The following PSMA1 variants were observed in gnomAD, a reference collection of about 807,000 sequenced individuals.
PSMA1 encodes proteasome subunit alpha type-1.
Under a neutral mutation model 38.4 loss-of-function variants are expected in PSMA1, and 3 were observed. The ratio of observed to expected loss-of-function variants is 0.08; its 90% CI spans 0.04 to 0.20. PSMA1 has a LOEUF of 0.20. Among genes scored for constraint, PSMA1 ranks in the 10% least tolerant of loss-of-function variants. The pLI is 1.00. For synonymous variants in PSMA1, 101 were observed against 107.1 expected (o/e 0.94, Z 0.35); for missense variants, 227 against 325.3 (o/e 0.70, Z 2.32).
chr11:14,589,589 G>A (rs929200662), intron 2 of PSMA1, among the ~76,000 whole-genome samples: 10 of 152,056 alleles, frequency 6.6e-5, no homozygotes, highest in African/African-American at 1.7e-4. Context: ...AAGAGCATAC[G>A]TGCTTCAGAA....
At chr11:14,585,219 C>G (rs1852331677) in intron 2 of PSMA1, among the ~76,000 whole-genome samples, 1 of 152,142 alleles carries the variant, frequency 6.6e-6, no homozygotes. Flanking sequence ...TCTGCTGACC[C>G]AGGAGTCCAA....
chr11:14,547,656 T>C (rs1467078972), intron 2 of PSMA1, among the ~76,000 whole-genome samples: 3 of 152,022 alleles, frequency 2.0e-5, no homozygotes, highest in Non-Finnish European at 4.4e-5. Context: ...TGAACAGGGA[T>C]CATCAGTCAG....
At chr11:14,623,075 A>G (rs1852868757) in intron 1 of PSMA1, among the ~76,000 whole-genome samples, 1 of 152,234 alleles carries the variant, frequency 6.6e-6, no homozygotes, top group Admixed American at 6.5e-5. Flanking sequence ...ACAAGGCTGT[A>G]TAGGTCCAGC....
intron 2 of PSMA1, among the ~76,000 whole-genome samples, chr11:14,555,771 T>A (rs1337479851): frequency 6.6e-6 from 1 of 152,244 alleles, no homozygotes; most frequent in African/African-American, 2.4e-5. Context: ...ATTTCAGTGT[T>A]TAAATTATTA....
intron 2 of PSMA1, among the ~76,000 whole-genome samples, chr11:14,572,168 T>C (rs532374166): frequency 1.3e-5 from 2 of 152,292 alleles, no homozygotes; most frequent in African/African-American, 4.8e-5. Flanking sequence ...GTGGACCTAA[T>C]AGACATCTAC....
At chr11:14,571,283 T>C (rs1053040665) in intron 2 of PSMA1, among the ~76,000 whole-genome samples, 1 of 152,176 alleles carries the variant, frequency 6.6e-6, no homozygotes, top group African/African-American at 2.4e-5. Context: ...CAGGATGGTC[T>C]TGATCTCCTG....
chr11:14,571,094 G>A (rs938576504), intron 2 of PSMA1, among the ~76,000 whole-genome samples: 6 of 152,116 alleles, frequency 3.9e-5, no homozygotes, highest in Admixed American at 6.5e-5. Context: ...ATGGAGTCTC[G>A]CTCTCTCACC....
At chr11:14,523,477 C>T (rs577063815), upstream of PSMA1, among the ~76,000 whole-genome samples, 1 of 152,138 alleles carries the variant, frequency 6.6e-6, no homozygotes, top group South Asian at 2.1e-4. Context: ...TACTATGTTG[C>T]CCAGGCTGGT....
At chr11:14,591,047 CA>C (rs1852407907) in intron 2 of PSMA1, among the ~76,000 whole-genome samples, 1 of 152,236 alleles carries the variant, frequency 6.6e-6, no homozygotes, top group African/African-American at 2.4e-5. Flanking sequence ...CCGGCTCCCT[CA>C]GCTTGCAGTG....
intron 2 of PSMA1, among the ~76,000 whole-genome samples, chr11:14,595,172 T>C (rs1160600665): frequency 1.3e-5 from 2 of 152,196 alleles, no homozygotes; most frequent in African/African-American, 4.8e-5. Flanking sequence ...ACATTTGGGT[T>C]GGTTCCAAGT....
Position 14,598,861 on chromosome 11 carries a change from T to A in PSMA1, c.21+12105A>T, listed in dbSNP as rs192144285. 3.2e-3 allele frequency among the ~76,000 whole-genome samples: 482 copies of A among 152,126 alleles called. 6 individuals are homozygous for A. Among genetic ancestry groups the A allele is most frequent in the African/African-American group, 0.011 (457 of 41,476 alleles). On this transcript the variant is annotated intron_variant, in intron 2 of 10. Transcript: ENST00000418988. ...TTGATGATCTTCACAATTTGGCATG[T>A]TTTTGCAGTGGCTGGTACCGGTTGT...
At chr11:14,524,470 C>G (rs1285231863), upstream of PSMA1, among the ~76,000 whole-genome samples, 1 of 152,108 alleles carries the variant, frequency 6.6e-6, no homozygotes, top group Non-Finnish European at 1.5e-5. Context: ...TTGTAATTCT[C>G]CCCACCCTTG....
chr11:14,631,078 A>T (rs1853000218), intron 1 of PSMA1, among the ~76,000 whole-genome samples: 1 of 151,758 alleles, frequency 6.6e-6, no homozygotes, highest in Non-Finnish European at 1.5e-5. Flanking sequence ...TAGTCTTGCT[A>T]GCGGTCTATG....
chr11:14,635,114 A>G (rs1853095486), intron 1 of PSMA1, among the ~76,000 whole-genome samples: 1 of 152,198 alleles, frequency 6.6e-6, no homozygotes, highest in Non-Finnish European at 1.5e-5. Flanking sequence ...TTGAGAAGCT[A>G]TAATGAGAGG....
chr11:14,548,843 C>T (rs1356429780), intron 2 of PSMA1, among the ~76,000 whole-genome samples: 3 of 152,160 alleles, frequency 2.0e-5, no homozygotes, highest in African/African-American at 7.2e-5. Context: ...CTTTCCCTCA[C>T]ACCCAGTCTA....
chr11:14,606,108 A>G (rs958212970), intron 2 of PSMA1, among the ~76,000 whole-genome samples: 13 of 152,240 alleles, frequency 8.5e-5, no homozygotes, highest in Non-Finnish European at 1.6e-4. Context: ...CTAGCCAGCT[A>G]TCTCAGCACA....
intron 2 of PSMA1, among the ~76,000 whole-genome samples, chr11:14,533,228 G>A (rs1851669032): frequency 6.6e-6 from 1 of 152,102 alleles, no homozygotes; most frequent in Non-Finnish European, 1.5e-5. Context: ...CTCCATCCAG[G>A]GTTGTACAAA....
chr11:14,626,982 G>A (rs541344026), intron 1 of PSMA1, among the ~76,000 whole-genome samples: 9 of 152,276 alleles, frequency 5.9e-5, no homozygotes, highest in South Asian at 2.1e-4. Flanking sequence ...GTGCTGGCAC[G>A]GTTGGTTTCT....
intron 1 of PSMA1, among the ~76,000 whole-genome samples, chr11:14,628,201 T>C (rs963223917): frequency 6.6e-6 from 1 of 151,988 alleles, no homozygotes; most frequent in South Asian, 2.1e-4. Flanking sequence ...AGTTTTAGGG[T>C]ACACGTGCAC....
Sources: allele counts gnomAD v4.1 joint callset (sites outside exome capture counted in the v4.1 genomes callset), GRCh38; gene constraint gnomAD v4.1.1; transcripts MANE v1.5; gene names NCBI Gene and HGNC (gene_info 2026-07-23, HGNC 2026-07-21).